The following EML5 variants were observed in gnomAD, a reference collection of about 807,000 sequenced individuals.
EML5 encodes the protein echinoderm microtubule-associated protein-like 5.
In EML5, 120 loss-of-function variants were observed where a neutral mutation model predicts 250.0. The observed-to-expected ratio is 0.48, with a 90% CI of 0.41 to 0.56. The LOEUF is 0.56. Ranked by LOEUF, EML5 falls within the 20% of genes least tolerant of loss-of-function variation. The pLI is 0.00. For synonymous variants in EML5, 771 were observed against 806.5 expected (o/e 0.96, Z 0.75); for missense variants, 2,006 against 2,437.6 (o/e 0.82, Z 3.73).
chr14:88,688,895 G>C (rs1363417744), intron 17 of EML5, among the ~76,000 whole-genome samples: 1 of 152,184 alleles, frequency 6.6e-6, no homozygotes, highest in Non-Finnish European at 1.5e-5. Flanking sequence ...TTGTGAATGT[G>C]ATACTGATTA....
At chr14:88,711,121 T>C (rs943657790) in intron 10 of EML5, among the ~76,000 whole-genome samples, 1 of 152,038 alleles carries the variant, frequency 6.6e-6, no homozygotes, top group African/African-American at 2.4e-5. Context: ...TAAAATTTGT[T>C]GTGCATGGTG....
rs534801012 is a variant in EML5 at position 88,734,011 on chromosome 14, T to TA, written c.1049+2352dup. Among the ~76,000 whole-genome samples, 575 of 145,192 alleles carry TA rather than the reference T, an allele frequency of 4.0e-3. 3 individuals carry two copies. The highest frequency in any genetic ancestry group is 0.012 in the African/African-American group (467 of 39,712). ...CTTACCTAAAACAACCTACACGAAG[T>TA]AAAAAAAAAAGCAAGTAACAAACTA... On this transcript the variant is annotated intron_variant, in intron 7 of 43. Transcript: ENST00000554922.
intron 1 of EML5, among the ~76,000 whole-genome samples, chr14:88,789,461 T>C (rs1050502612): frequency 6.6e-6 from 1 of 152,086 alleles, no homozygotes; most frequent in African/African-American, 2.4e-5. Flanking sequence ...GAGAAAATGA[T>C]GAAATGTCAT....
chr14:88,743,589 C>T (rs2093958858), intron 4 of EML5, among the ~76,000 whole-genome samples: 1 of 151,970 alleles, frequency 6.6e-6, no homozygotes, highest in African/African-American at 2.4e-5. Context: ...AAAATAAAAG[C>T]TCAAAGAGGT....
At chr14:88,745,075 A>G (rs2140288884) in intron 3 of EML5, among the ~76,000 whole-genome samples, 1 of 152,208 alleles carries the variant, frequency 6.6e-6, no homozygotes, top group South Asian at 2.1e-4. Flanking sequence ...CCAAATAGTC[A>G]TGTGCAAAAT....
chr14:88,786,969 G>C (rs1364031382), intron 1 of EML5, among the ~76,000 whole-genome samples: 2 of 152,180 alleles, frequency 1.3e-5, no homozygotes, highest in Non-Finnish European at 2.9e-5. Context: ...CAATGCAGAG[G>C]TCACTGGTAA....
intron 2 of EML5, among the ~76,000 whole-genome samples, chr14:88,748,731 C>A (rs1177926968): frequency 6.6e-6 from 1 of 151,466 alleles, no homozygotes; most frequent in Non-Finnish European, 1.5e-5. Context: ...CTCAAACATA[C>A]CAAGAATAAA....
At chr14:88,637,401 T>C (rs989331330) in intron 32 of EML5, among the ~76,000 whole-genome samples, 1 of 152,138 alleles carries the variant, frequency 6.6e-6, no homozygotes, top group African/African-American at 2.4e-5. Flanking sequence ...TCCTAAAAGA[T>C]TAATTTGTGA....
At chr14:88,651,848 C>T (rs957776676) in intron 27 of EML5, among the ~76,000 whole-genome samples, 2 of 151,802 alleles carry the variant, frequency 1.3e-5, no homozygotes, top group African/African-American at 4.8e-5. Flanking sequence ...CATTTCATTC[C>T]AAGGGATAAG....
At chr14:88,692,134 G>C (rs574358697) in intron 17 of EML5, among the ~76,000 whole-genome samples, 72 of 152,234 alleles carry the variant, frequency 4.7e-4, no homozygotes, top group South Asian at 1.2e-3. Flanking sequence ...CAGCACTTTG[G>C]GAGGCCAAGG....
intron 4 of EML5, among the ~76,000 whole-genome samples, chr14:88,743,480 T>C (rs1007566551): frequency 6.6e-6 from 1 of 152,082 alleles, no homozygotes; most frequent in African/African-American, 2.4e-5. Flanking sequence ...AAGCAGACCA[T>C]GTGTTAGGCA....
chr14:88,774,434 TTGTGTACCAATAATGA>T (rs1382853589), intron 1 of EML5, among the ~76,000 whole-genome samples: 1 of 152,234 alleles, frequency 6.6e-6, no homozygotes, highest in East Asian at 1.9e-4. Flanking sequence ...GAGGCTAGTT[TTGTGTACCAATAATGA>T]CATGACTCAT....
At chr14:88,756,612 TG>T (rs746526204) in intron 1 of EML5, among the ~76,000 whole-genome samples, 108 of 152,012 alleles carry the variant, frequency 7.1e-4, no homozygotes, top group Non-Finnish European at 1.2e-3. Flanking sequence ...AACCAAAAAA[TG>T]AAGAGCTAAT....
rs2087696017 is a variant in EML5, at chr14:88,616,817, C to CAGAA, written c.5704_5705insTTCT (p.Cys1902PhefsTer17). On this transcript the variant is annotated frameshift_variant, in exon 42 of 44. Transcript: ENST00000554922. LOFTEE classifies it high-confidence loss of function. ...GATTCCTGAATGAGATACACAGGCA[C>CAGAA]AGTTGACATCAGCTTTCTCAGCATG... 6.2e-7 allele frequency: 1 copy of CAGAA among 1,613,782 alleles called. No homozygotes were observed. The highest frequency in any genetic ancestry group is 1.3e-5 in the African/African-American group (1 of 74,910).
chr14:88,665,455 T>C lies in EML5; in HGVS notation c.3159A>G (p.Lys1053=). ...GRCCCFSPDG[K]ALAVGLNDGS... is the part of the protein sequence containing the mutation. ...CATCGTTGAGACCTACGGCTAAAGC[T>C]TTACCATCAGGAGAAAAACAGCAAC... The change falls in exon 22 of 44, where the codon AAA becomes AAG. Residue 1053 remains lysine (K), a synonymous_variant. Coordinates refer to ENST00000554922, the MANE Select transcript of EML5 (RefSeq NM_183387.3). 1 of 1,613,952 alleles carries C rather than the reference T, an allele frequency of 6.2e-7. No homozygotes were observed.
rs373538008 is a variant in EML5, at chr14:88,681,969, A to C, written c.3045T>G (p.Thr1015=). 6 of 1,613,718 alleles carry C rather than the reference A, an allele frequency of 3.7e-6. No homozygotes were observed. Among genetic ancestry groups the C allele is most frequent in the Non-Finnish European group, 5.1e-6 (6 of 1,179,774 alleles). ...ATHPYLPICA[T]VSDDKTLRIW... ...TTCTTAAGGTTTTATCATCGCTTAC[A>C]GTAGCACAGATGGGCAGATAAGGGT... Residue 1015 remains threonine (T), a synonymous_variant, in exon 21 of 44, where the codon ACT becomes ACG. Coordinates refer to ENST00000554922, the MANE Select transcript of EML5 (RefSeq NM_183387.3).
intron 9 of EML5, 140 bp from the exon 10 acceptor site, chr14:88,712,623 A>T (rs1023845920): frequency 1.8e-5 from 11 of 614,340 alleles, no homozygotes; most frequent in Non-Finnish European, 2.8e-5. Context: ...AAATAGGTAG[A>T]TAAGTTTGGG....
intron 7 of EML5, 58 bp from the exon 8 acceptor site, chr14:88,726,736 T>G: frequency 2.3e-6 from 3 of 1,302,168 alleles, no homozygotes; most frequent in Non-Finnish European, 3.1e-6. Flanking sequence ...TTAGTAAAAA[T>G]ATTTTGGTTA....
At chr14:88,662,012 C>T (rs1427712561) in intron 24 of EML5, among the ~76,000 whole-genome samples, 182 bp from the exon 25 acceptor site, 1 of 152,042 alleles carries the variant, frequency 6.6e-6, no homozygotes, top group East Asian at 1.9e-4. Context: ...CTAATTGCTG[C>T]AGAAAAATTT....
Sources: allele counts gnomAD v4.1 joint callset (sites outside exome capture counted in the v4.1 genomes callset), GRCh38; gene constraint gnomAD v4.1.1; transcripts MANE v1.5; gene names NCBI Gene and HGNC (gene_info 2026-07-23, HGNC 2026-07-21).